The following NPFFR2 variants were observed in gnomAD, a reference collection of about 807,000 sequenced individuals.
NPFFR2 encodes neuropeptide FF receptor 2.
A neutral mutation model predicts 13.1 loss-of-function variants in NPFFR2; 15 were observed. The ratio of observed to expected loss-of-function variants is 1.15; its 90% CI spans 0.77 to 1.76. NPFFR2 has a LOEUF of 1.76. NPFFR2 is among the 40% of genes most tolerant of loss of function. The probability of loss-of-function intolerance (pLI) is 0.00; values close to 1 mark genes in which losing one functional copy is unlikely to be tolerated. For synonymous variants in NPFFR2, 190 were observed against 175.7 expected (o/e 1.08, Z -0.65); for missense variants, 572 against 503.5 (o/e 1.14, Z -1.30).
chr4:72,084,421 GAA>G (rs1720711714), intron 1 of NPFFR2, among the ~76,000 whole-genome samples: 1 of 152,096 alleles, frequency 6.6e-6, no homozygotes, highest in South Asian at 2.1e-4. Context: ...GGATGAAATT[GAA>G]AAAGACTTAG....
At position 72,032,094 on chromosome 4, in the gene NPFFR2, CG is replaced by C; in HGVS notation, c.-112del. ...GGACAGACGTCGGCTGGGATTGAGC[CG>C]GCAGACTGCGAAAAGTAGCTGGAGC... On this transcript the variant is annotated 5_prime_UTR_variant, in exon 1 of 4. Coordinates refer to ENST00000308744, the MANE Select transcript of NPFFR2 (RefSeq NM_004885.3). 6.2e-7 allele frequency: 1 copy of C among 1,614,046 alleles called. No homozygotes were observed. Among genetic ancestry groups the C allele is most frequent in the Admixed American group, 1.7e-5 (1 of 60,012 alleles).
chr4:72,132,506 A>G (rs1386293734), intron 2 of NPFFR2, among the ~76,000 whole-genome samples: 1 of 152,256 alleles, frequency 6.6e-6, no homozygotes, highest in African/African-American at 2.4e-5. Context: ...TCCTCTGGGT[A>G]TATACCTAGT....
chr4:72,110,386 T>C (rs1283388771), intron 1 of NPFFR2, among the ~76,000 whole-genome samples: 1 of 152,006 alleles, frequency 6.6e-6, no homozygotes, highest in Non-Finnish European at 1.5e-5. Flanking sequence ...AATATGTCTT[T>C]ATTAGCAGTG....
chr4:72,085,444 A>G (rs1199976204), intron 1 of NPFFR2, among the ~76,000 whole-genome samples: 5 of 152,050 alleles, frequency 3.3e-5, no homozygotes, highest in African/African-American at 1.2e-4. Flanking sequence ...TTTCCCCAGC[A>G]TATATTTTAT....
chr4:72,128,606 G>T lies in NPFFR2; in HGVS notation c.15G>T (p.Trp5Cys), dbSNP rs1260384750. Reference protein sequence around the residue: MNEKWDTNSSENWHP... With the variant: MNEKCDTNSSENWHP... ...TAAGGTTCATCATGAATGAGAAATG[G>T]GACACAAACTCTTCAGAAAACTGGC... The change falls in exon 2 of 4, where the codon TGG (tryptophan) becomes TGT (cysteine). Residue 5 changes from tryptophan to cysteine, a missense_variant. Physicochemically the swap from Trp to Cys is radical, Grantham distance 215. Transcript: ENST00000308744. 6.2e-7 allele frequency: 1 copy of T among 1,605,778 alleles called. No individual in the cohort carries two copies. The highest frequency in any genetic ancestry group is 8.5e-7 in the Non-Finnish European group (1 of 1,174,050).
At chr4:72,101,180 ATCACT>A (rs1240820182) in intron 1 of NPFFR2, among the ~76,000 whole-genome samples, 7 of 152,140 alleles carry the variant, frequency 4.6e-5, no homozygotes, top group African/African-American at 7.2e-5. Flanking sequence ...TGTTCTTCAC[ATCACT>A]TCATTTTATT....
At position 72,051,034 on chromosome 4, in the gene NPFFR2, C is replaced by T. The variant is rs530830670; in HGVS notation, c.-8+18834C>T. Among the ~76,000 whole-genome samples, 311 of 152,010 alleles carry T rather than the reference C, an allele frequency of 2.0e-3. 1 individual carries two copies. Among genetic ancestry groups the T allele is most frequent in the Middle Eastern group, 0.017 (5 of 294 alleles). The stretch of plus-strand genomic sequence containing the variant: ...TCATTGTTGTACATTTGGGTTGGTT[C>T]CAAGTCTTTGCTATTGTGAATAGTG... On this transcript the variant is annotated intron_variant, in intron 1 of 3. Coordinates refer to ENST00000308744, the MANE Select transcript of NPFFR2 (RefSeq NM_004885.3).
intron 1 of NPFFR2, among the ~76,000 whole-genome samples, chr4:72,123,075 A>T (rs542917326): frequency 6.6e-6 from 1 of 152,252 alleles, no homozygotes; most frequent in East Asian, 1.9e-4. Flanking sequence ...AGGGGATATC[A>T]TCACTGATTA....
chr4:72,128,271 G>A (rs1722128027), intron 1 of NPFFR2, among the ~76,000 whole-genome samples: 1 of 152,150 alleles, frequency 6.6e-6, no homozygotes, highest in Admixed American at 6.5e-5. Context: ...TAGAGGGAAG[G>A]AGAGTTTTGG....
rs140614918 is a variant in NPFFR2, at chr4:72,133,804, G to A, written c.329-4236G>A. ...AGATTGAGTTCCTGATTTGGCTCTC[G>A]GCTTGACTGTTGTGGATGTATAGGA... On this transcript the variant is annotated intron_variant, in intron 2 of 3. Coordinates refer to ENST00000308744, the MANE Select transcript of NPFFR2 (RefSeq NM_004885.3). Among the ~76,000 whole-genome samples the A allele has an allele frequency of 3.6e-3, 546 of 152,024 alleles. 8 individuals carry two copies. Among genetic ancestry groups the A allele is most frequent in the Admixed American group, 0.024 (361 of 15,258 alleles).
At chr4:72,123,423 G>T (rs769896310) in intron 1 of NPFFR2, among the ~76,000 whole-genome samples, 1 of 152,192 alleles carries the variant, frequency 6.6e-6, no homozygotes, top group South Asian at 2.1e-4. Flanking sequence ...AATGAGGCCA[G>T]CATCATCAGG....
At chr4:72,047,854 T>C (rs1719421249) in intron 1 of NPFFR2, among the ~76,000 whole-genome samples, 1 of 152,150 alleles carries the variant, frequency 6.6e-6, no homozygotes, top group Non-Finnish European at 1.5e-5. Flanking sequence ...GCATATATGC[T>C]TCCATTTAGG....
At chr4:72,097,561 T>C (rs1443780671) in intron 1 of NPFFR2, among the ~76,000 whole-genome samples, 1 of 152,170 alleles carries the variant, frequency 6.6e-6, no homozygotes, top group African/African-American at 2.4e-5. Flanking sequence ...TGTAGTCTTT[T>C]AACTACTGGA....
chr4:72,038,901 CTTTCTTTTTTTTTTT>C (rs1719115069), intron 1 of NPFFR2, among the ~76,000 whole-genome samples: 2 of 86,918 alleles, frequency 2.3e-5, no homozygotes. Context: ...TTTAAATTTC[CTTTCTTTTTTTTTTT>C]TTTTTTTTTT....
chr4:72,069,812 G>A (rs958535101), intron 1 of NPFFR2, among the ~76,000 whole-genome samples: 9 of 151,950 alleles, frequency 5.9e-5, no homozygotes, highest in African/African-American at 1.9e-4. Context: ...CTAGTAATAA[G>A]GAAATGTAAA....
chr4:72,119,983 C>T (rs1339728892), intron 1 of NPFFR2, among the ~76,000 whole-genome samples: 45 of 152,128 alleles, frequency 3.0e-4, no homozygotes, highest in Non-Finnish European at 1.0e-4. Context: ...AGTGGTCTGG[C>T]TCAGTGGTCC....
chr4:72,061,647 G>A (rs549847666), intron 1 of NPFFR2, among the ~76,000 whole-genome samples: 48 of 152,156 alleles, frequency 3.2e-4, no homozygotes, highest in African/African-American at 1.1e-3. Flanking sequence ...CATGGGTAAA[G>A]CTGGAAACCA....
At chr4:72,106,386 T>G (rs1026167551) in intron 1 of NPFFR2, among the ~76,000 whole-genome samples, 4 of 152,008 alleles carry the variant, frequency 2.6e-5, no homozygotes, top group Admixed American at 2.6e-4. Context: ...GAGTTAACTT[T>G]GGTACTCTAT....
At chr4:72,059,103 G>A (rs936857510) in intron 1 of NPFFR2, among the ~76,000 whole-genome samples, 1 of 151,990 alleles carries the variant, frequency 6.6e-6, no homozygotes, top group African/African-American at 2.4e-5. Context: ...CTATTTTGGG[G>A]TGTGTGAGAA....
Sources: gnomAD v4.1 joint callset for allele counts (sites outside exome capture counted in the v4.1 genomes callset) on GRCh38, gnomAD v4.1.1 for gene constraint, MANE v1.5 for transcripts, NCBI Gene and HGNC (gene_info 2026-07-23, HGNC 2026-07-21) for gene names.